PITPNC1: variants seen among roughly 807,000 people sequenced by gnomAD.
PITPNC1 encodes cytoplasmic phosphatidylinositol transfer protein 1.
In PITPNC1, 18 loss-of-function variants were observed where a neutral mutation model predicts 44.7. The observed-to-expected ratio is 0.40, with a 90% CI of 0.28 to 0.60. The LOEUF (loss-of-function observed/expected upper bound fraction) is 0.60. Among genes scored for constraint, PITPNC1 ranks in the 20% least tolerant of loss-of-function variants. PITPNC1 has a pLI of 0.39. For synonymous variants in PITPNC1, 141 were observed against 149.6 expected, an observed-to-expected ratio of 0.94 and a Z score of 0.42; for missense variants, 290 against 418.4, an observed-to-expected ratio of 0.69 and a Z score of 2.68.
intron 6 of PITPNC1, among the ~76,000 whole-genome samples, chr17:67,645,027 C>T (rs2042131600): frequency 6.6e-6 from 1 of 152,076 alleles, no homozygotes; most frequent in African/African-American, 2.4e-5. Context: ...CATCTTTTTT[C>T]ATGCCTTGAC....
At chr17:67,495,957 C>T (rs967565125) in intron 1 of PITPNC1, among the ~76,000 whole-genome samples, 2 of 152,154 alleles carry the variant, frequency 1.3e-5, no homozygotes, top group Admixed American at 1.3e-4. Flanking sequence ...GTAGAAATGC[C>T]ATTGGATGTA....
intron 5 of PITPNC1, among the ~76,000 whole-genome samples, chr17:67,609,594 A>G (rs773328316): frequency 3.3e-5 from 5 of 151,934 alleles, no homozygotes; most frequent in Non-Finnish European, 7.4e-5. Context: ...CCAGCCAGTC[A>G]TGTTCTTCTA....
intron 6 of PITPNC1, among the ~76,000 whole-genome samples, chr17:67,665,871 G>T (rs1408079648): frequency 2.7e-5 from 4 of 147,774 alleles, no homozygotes; most frequent in African/African-American, 7.5e-5. Flanking sequence ...TTGAGACAGA[G>T]TCTCTGTCAC....
intron 1 of PITPNC1, among the ~76,000 whole-genome samples, chr17:67,438,862 G>A (rs541432070): frequency 5.9e-5 from 9 of 152,166 alleles, no homozygotes; most frequent in Admixed American, 2.0e-4. Context: ...CAGGCCATGC[G>A]CATTTAATTT....
intron 1 of PITPNC1, among the ~76,000 whole-genome samples, chr17:67,392,435 G>T (rs1368606964): frequency 1.3e-5 from 2 of 152,034 alleles, no homozygotes; most frequent in African/African-American, 4.8e-5. Context: ...AAGAGACCGG[G>T]GTCTCGCCAT....
intron 5 of PITPNC1, among the ~76,000 whole-genome samples, chr17:67,619,595 C>T (rs1490164867): frequency 1.3e-5 from 2 of 152,120 alleles, no homozygotes; most frequent in Non-Finnish European, 2.9e-5. Flanking sequence ...TGCCGGGGAT[C>T]CAAGGACAAC....
At chr17:67,588,797 G>A (rs1424665299) in intron 5 of PITPNC1, among the ~76,000 whole-genome samples, 20 of 152,110 alleles carry the variant, frequency 1.3e-4, no homozygotes, top group Admixed American at 1.3e-3. Context: ...GAGTGCCAGT[G>A]GGAACTGCAG....
Position 67,378,181 on chromosome 17 carries a change from C to T in PITPNC1, c.27C>T (p.Cys9=). ...TGCTGCTGAAAGAGTACCGGATCTGCATGCCGCTCACCGTAGACGAGGTAA... is the reference window on the plus strand; with the variant it reads ...TGCTGCTGAAAGAGTACCGGATCTGTATGCCGCTCACCGTAGACGAGGTAA... MLLKEYRI[C]MPLTVDEYKI... is the part of the protein sequence containing the mutation. Residue 9 remains cysteine, a synonymous_variant, in exon 1 of 9, where the codon TGC becomes TGT. Transcript: ENST00000581322. 1 of 1,547,976 alleles carries T rather than the reference C, an allele frequency of 6.5e-7. No homozygotes were observed. The highest frequency in any genetic ancestry group is 8.7e-7 in the Non-Finnish European group (1 of 1,151,328).
intron 1 of PITPNC1, among the ~76,000 whole-genome samples, chr17:67,423,427 C>G (rs144058560): frequency 4.3e-4 from 66 of 152,266 alleles, no homozygotes; most frequent in African/African-American, 1.5e-3. Flanking sequence ...GCAGGCCTGA[C>G]TTTCTAAAGG....
intron 2 of PITPNC1, among the ~76,000 whole-genome samples, chr17:67,539,792 C>T (rs973122724): frequency 6.6e-6 from 1 of 152,044 alleles, no homozygotes; most frequent in African/African-American, 2.4e-5. Context: ...GAGCCGAGAT[C>T]GCGCCACTGC....
chr17:67,664,146 G>A (rs2042388329), intron 6 of PITPNC1, among the ~76,000 whole-genome samples: 1 of 152,028 alleles, frequency 6.6e-6, no homozygotes, highest in Non-Finnish European at 1.5e-5. Flanking sequence ...TGCATTTTTA[G>A]TAGAGACGGG....
At chr17:67,667,520 T>G (rs1292104028) in intron 6 of PITPNC1, among the ~76,000 whole-genome samples, 1 of 140,022 alleles carries the variant, frequency 7.1e-6, no homozygotes, top group African/African-American at 2.6e-5. Context: ...TACTGAAAAT[T>G]AGCTCATACA....
chr17:67,636,073 TGAATC>T (rs2042028254), intron 6 of PITPNC1, among the ~76,000 whole-genome samples: 1 of 151,962 alleles, frequency 6.6e-6, no homozygotes, highest in South Asian at 2.1e-4. Flanking sequence ...CCGAGGCAGG[TGAATC>T]ACAAGGTCAG....
chr17:67,409,642 G>T (rs1473390525), intron 1 of PITPNC1, among the ~76,000 whole-genome samples: 1 of 151,648 alleles, frequency 6.6e-6, no homozygotes. Context: ...TGGTTCAAGC[G>T]ATTCTCCTGT....
intron 1 of PITPNC1, among the ~76,000 whole-genome samples, chr17:67,504,201 CTG>C (rs71354077): frequency 0.05 from 7,670 of 152,276 alleles, 255 homozygotes; most frequent in Middle Eastern, 0.11. Context: ...TTCCAGGAGT[CTG>C]TGGCATATCC....
chr17:67,650,764 A>G (rs908585002), intron 6 of PITPNC1, among the ~76,000 whole-genome samples: 1 of 151,976 alleles, frequency 6.6e-6, no homozygotes, highest in Non-Finnish European at 1.5e-5. Context: ...ACCATGGACT[A>G]TTACATTGTT....
At chr17:67,404,674 G>C (rs2038369978) in intron 1 of PITPNC1, among the ~76,000 whole-genome samples, 1 of 152,174 alleles carries the variant, frequency 6.6e-6, no homozygotes, top group African/African-American at 2.4e-5. Flanking sequence ...TATTTTTGAA[G>C]CACAAAGTAA....
At chr17:67,420,745 C>G (rs1391399036) in intron 1 of PITPNC1, among the ~76,000 whole-genome samples, 1 of 152,056 alleles carries the variant, frequency 6.6e-6, no homozygotes, top group Non-Finnish European at 1.5e-5. Flanking sequence ...CTTCTGTTTT[C>G]TACTTGTGTT....
At chr17:67,627,178 A>G (rs1430094465) in intron 5 of PITPNC1, among the ~76,000 whole-genome samples, 1 of 152,160 alleles carries the variant, frequency 6.6e-6, no homozygotes, top group African/African-American at 2.4e-5. Context: ...GCTTGAACCC[A>G]GGTGGCAGAG....
Sources: gnomAD v4.1 joint callset for allele counts (sites outside exome capture counted in the v4.1 genomes callset) on GRCh38, gnomAD v4.1.1 for gene constraint, MANE v1.5 for transcripts, NCBI Gene and HGNC (gene_info 2026-07-23, HGNC 2026-07-21) for gene names.